The following PSIP1 variants were observed in gnomAD, a reference collection of about 807,000 sequenced individuals.
The protein encoded by PSIP1 is PC4 and SFRS1-interacting protein.
A neutral mutation model predicts 74.7 loss-of-function variants in PSIP1; 19 were observed. The ratio of observed to expected loss-of-function variants is 0.25; its 90% CI spans 0.18 to 0.37. PSIP1 has a LOEUF of 0.37. Ranked by LOEUF, PSIP1 falls within the 10% of genes least tolerant of loss-of-function variation. The probability of loss-of-function intolerance (pLI) is 1.00; values close to 1 mark genes in which losing one functional copy is unlikely to be tolerated. For missense variants in PSIP1, 601 were observed against 614.3 expected (o/e 0.98, Z 0.23); for synonymous variants, 222 against 195.3 (o/e 1.14, Z -1.14).
intron 3 of PSIP1, among the ~76,000 whole-genome samples, chr9:15,501,866 T>TATATATAAA (rs1491160431): frequency 7.4e-6 from 1 of 135,654 alleles, no homozygotes; most frequent in Admixed American, 7.3e-5. Context: ...TATATATATA[T>TATATATAAA]AAAACGCACA....
At chr9:15,499,383 C>T (rs2037227506) in intron 3 of PSIP1, among the ~76,000 whole-genome samples, 2 of 152,220 alleles carry the variant, frequency 1.3e-5, no homozygotes, top group African/African-American at 4.8e-5. Context: ...ACTGAGGCAG[C>T]TCAAATGCTA....
intron 6 of PSIP1, among the ~76,000 whole-genome samples, chr9:15,481,408 T>C (rs1290041871): frequency 6.6e-6 from 1 of 152,230 alleles, no homozygotes; most frequent in Non-Finnish European, 1.5e-5. Flanking sequence ...GAATTATAGG[T>C]AGGGTTGGGT....
chr9:15,466,164 G>C (rs1216259334), intron 15 of PSIP1, among the ~76,000 whole-genome samples: 4 of 152,210 alleles, frequency 2.6e-5, no homozygotes, highest in Admixed American at 2.6e-4. Context: ...GATCACCTGA[G>C]GTCAGGAGTT....
intron 15 of PSIP1, among the ~76,000 whole-genome samples, chr9:15,466,382 GAAA>G (rs1563862558): frequency 6.7e-6 from 1 of 148,972 alleles, no homozygotes. Context: ...CTGTCTCAAA[GAAA>G]AAACAACAAC....
chr9:15,509,416 C>G (rs1025435659), intron 2 of PSIP1, among the ~76,000 whole-genome samples: 2 of 152,216 alleles, frequency 1.3e-5, no homozygotes, highest in African/African-American at 4.8e-5. Context: ...ATCCTGGGTC[C>G]TTAATCATTT....
chr9:15,470,391 TGAAGTTAG>T (rs2035772635), intron 10 of PSIP1, among the ~76,000 whole-genome samples: 2 of 152,138 alleles, frequency 1.3e-5, no homozygotes, highest in African/African-American at 4.8e-5. Context: ...TAATGAGTTC[TGAAGTTAG>T]CTTTAAAGTT....
Position 15,486,021 on chromosome 9 carries a change from C to T in PSIP1, c.441G>A (p.Arg147=), listed in dbSNP as rs759060429. 1.2e-6 allele frequency: 2 copies of T among 1,609,450 alleles called. No homozygotes were observed. Among genetic ancestry groups the T allele is most frequent in the East Asian group, 2.2e-5 (1 of 44,752 alleles). ...GTGAAATTACCTTTCTCTTTCTCCCCCTTCTGGCAGCTTTTGGAGTAGTTA... is the reference window on the plus strand; with the variant it reads ...GTGAAATTACCTTTCTCTTTCTCCCTCTTCTGGCAGCTTTTGGAGTAGTTA... ...VDITTPKAAR[R]GRKRKAEKQV... Residue 147 remains arginine (R), a synonymous_variant, in exon 6 of 16, where the codon AGG becomes AGA. Transcript: ENST00000380733.
At chr9:15,471,462 T>G (rs995590873) in intron 10 of PSIP1, 2 of 956,680 alleles carry the variant, frequency 2.1e-6, no homozygotes, top group Non-Finnish European at 2.5e-6. Flanking sequence ...CTACATATAC[T>G]AGTAACAACT....
Position 15,468,966 on chromosome 9 carries a change from T to G in PSIP1, c.1197A>C (p.Thr399=). The change falls in exon 13 of 16, where the codon ACA becomes ACC. Residue 399 remains threonine, a synonymous_variant. Coordinates refer to ENST00000380733, the MANE Select transcript of PSIP1 (RefSeq NM_033222.5). ...QAQKHTEMIT[T]LKKIRRFKVS... is the part of the protein sequence containing the mutation. ...ACTTGAAATCACTTACTTTTTTCAG[T>G]GTAGTAATCATCTCTGTGTGTTTCT... 1.2e-6 allele frequency: 2 copies of G among 1,613,668 alleles called. No homozygotes were observed. The highest frequency in any genetic ancestry group is 8.5e-7 in the Non-Finnish European group (1 of 1,179,832).
chr9:15,487,503 G>A (rs779349194), intron 4 of PSIP1, among the ~76,000 whole-genome samples: 2 of 152,016 alleles, frequency 1.3e-5, no homozygotes, highest in Admixed American at 6.6e-5. Flanking sequence ...GCTGAGGCAC[G>A]AGTATAACTT....
chr9:15,499,575 A>G (rs534249599), intron 3 of PSIP1, among the ~76,000 whole-genome samples: 44 of 152,290 alleles, frequency 2.9e-4, no homozygotes, highest in African/African-American at 1.1e-3. Flanking sequence ...TAGAACTCTT[A>G]AAAGAAACAA....
At chr9:15,468,093 C>T (rs1160660750) in intron 14 of PSIP1, among the ~76,000 whole-genome samples, 1 of 149,054 alleles carries the variant, frequency 6.7e-6, no homozygotes, top group Non-Finnish European at 1.5e-5. Flanking sequence ...TGCACTCCAG[C>T]CTGGACAACA....
rs2737830 is a variant in PSIP1, at chr9:15,481,691, A to C, written c.457-2004T>G. On this transcript the variant is annotated intron_variant, in intron 6 of 15. Coordinates refer to ENST00000380733, the MANE Select transcript of PSIP1 (RefSeq NM_033222.5). ...AGAGCAAGACTCCGTCTCAAAAAAAACAAAGAATTATAGGTAAAAGAGATG... is the reference window on the plus strand; with the variant it reads ...AGAGCAAGACTCCGTCTCAAAAAAACCAAAGAATTATAGGTAAAAGAGATG... Among the ~76,000 whole-genome samples, 31 of 152,210 alleles carry C rather than the reference A, an allele frequency of 2.0e-4. No individual in the cohort carries two copies. The East Asian group carries it at 5.2e-3, about 26-fold the overall frequency.
At chr9:15,509,897 C>T (rs2037773838) in intron 2 of PSIP1, among the ~76,000 whole-genome samples, 3 of 152,024 alleles carry the variant, frequency 2.0e-5, no homozygotes. Context: ...CCAAGTCTGC[C>T]AATAAACCAT....
chr9:15,508,534 T>C (rs1030785386), intron 2 of PSIP1, among the ~76,000 whole-genome samples: 2 of 152,200 alleles, frequency 1.3e-5, no homozygotes, highest in South Asian at 2.1e-4. Flanking sequence ...GAGGGTGATT[T>C]GGGAGATTTT....
rs200120477 is a variant in PSIP1, at chr9:15,472,680, T to G, written c.929A>C (p.Glu310Ala). The change falls in exon 10 of 16, where the codon GAA becomes GCA. Residue 310 changes from glutamate to alanine, a missense_variant. By Grantham distance (107) the Glu-to-Ala change is moderately radical. Coordinates refer to ENST00000380733, the MANE Select transcript of PSIP1 (RefSeq NM_033222.5). ...TTGCTTGCGTTTTCGATCTGCTGCT[T>G]CTTTCTCATGTTGGCCTTTCAGCAT... Reference protein sequence around the residue: ...RNMLKGQHEKEAADRKRKQEE... With the variant: ...RNMLKGQHEKAAADRKRKQEE... The G allele has an allele frequency of 1.1e-4, 169 of 1,608,496 alleles. No individual in the cohort carries two copies. The highest frequency in any genetic ancestry group is 1.3e-4 in the South Asian group (12 of 89,110).
chr9:15,484,291 A>G (rs1373410796), intron 6 of PSIP1, among the ~76,000 whole-genome samples: 1 of 26,012 alleles, frequency 3.8e-5, no homozygotes, highest in African/African-American at 1.7e-4. Flanking sequence ...CCCCATGTCT[A>G]TCAAAAAAAA....
chr9:15,482,754 C>T (rs1291723839), intron 6 of PSIP1, among the ~76,000 whole-genome samples: 1 of 152,086 alleles, frequency 6.6e-6, no homozygotes, highest in Non-Finnish European at 1.5e-5. Context: ...TATGAAAATC[C>T]CTATTATGTT....
intron 3 of PSIP1, among the ~76,000 whole-genome samples, chr9:15,499,047 C>G (rs1287716467): frequency 6.6e-6 from 1 of 152,076 alleles, no homozygotes; most frequent in East Asian, 1.9e-4. Flanking sequence ...AATTCCAGAG[C>G]TGAAAGGAAA....
Sources: gnomAD v4.1 joint callset for allele counts (sites outside exome capture counted in the v4.1 genomes callset) on GRCh38, gnomAD v4.1.1 for gene constraint, MANE v1.5 for transcripts, NCBI Gene and HGNC (gene_info 2026-07-23, HGNC 2026-07-21) for gene names.